Variants in CCDC33 observed in about 807,000 individuals in gnomAD.
CCDC33 encodes coiled-coil domain-containing protein 33.
A neutral mutation model predicts 91.9 loss-of-function variants in CCDC33; 94 were observed. The observed-to-expected ratio is 1.02, with a 90% CI of 0.87 to 1.21. The LOEUF (loss-of-function observed/expected upper bound fraction) is 1.21, where lower values mean the gene tolerates loss of function less well. Among genes scored for constraint, CCDC33 ranks in the 50% most tolerant of loss-of-function variants. The probability of loss-of-function intolerance (pLI) is 0.00; values close to 1 mark genes in which losing one functional copy is unlikely to be tolerated. For synonymous variants in CCDC33, 396 were observed against 374.5 expected (o/e 1.06, Z -0.66); for missense variants, 940 against 935.5 (o/e 1.00, Z -0.06).
At position 74,222,343 on chromosome 15, in the gene CCDC33, C is replaced by T. The variant is rs561915996; in HGVS notation, c.675+3482C>T. The stretch of plus-strand genomic sequence containing the variant: ...CTGGGAGCCATCCTGGGGGCTCCCT[C>T]GCTAGAAGGCCGGGAACTCCCTCCC... On this transcript the variant is annotated intron_variant, in intron 2 of 2. Transcript: ENST00000635913. Among the ~76,000 whole-genome samples, 123 of 152,244 alleles carry T rather than the reference C, an allele frequency of 8.1e-4. 1 individual carries two copies. Among genetic ancestry groups the T allele is most frequent in the Admixed American group, 1.5e-3 (23 of 15,304 alleles).
intron 2 of CCDC33, among the ~76,000 whole-genome samples, chr15:74,220,153 G>A (rs910574114): frequency 1.2e-4 from 19 of 152,256 alleles, no homozygotes; most frequent in South Asian, 8.3e-4. Flanking sequence ...GATCTGAGCT[G>A]TGGTTTAGGC....
intron 11 of CCDC33, chr15:74,300,453 G>C (rs915408567): frequency 6.6e-6 from 1 of 152,398 alleles, no homozygotes; most frequent in East Asian, 1.9e-4. Flanking sequence ...GCCGGCAGCA[G>C]GTCCCAGGGC....
chr15:74,254,721 T>C (rs1417134698), intron 2 of CCDC33, among the ~76,000 whole-genome samples: 1 of 147,232 alleles, frequency 6.8e-6, no homozygotes, highest in Non-Finnish European at 1.5e-5. Flanking sequence ...CCTTGGCCTC[T>C]CCTCTGCATC....
At chr15:74,239,249 G>A (rs1299456558) in intron 1 of CCDC33, among the ~76,000 whole-genome samples, 1 of 152,124 alleles carries the variant, frequency 6.6e-6, no homozygotes, top group African/African-American at 2.4e-5. Context: ...GGAGGAGTGG[G>A]TGGAAGAGTT....
chr15:74,298,764 G>A (rs1393874416), intron 11 of CCDC33, among the ~76,000 whole-genome samples: 1 of 139,154 alleles, frequency 7.2e-6, no homozygotes, highest in Non-Finnish European at 1.5e-5. Flanking sequence ...CCAGCCTGGA[G>A]TGCAGTGGTA....
intron 15 of CCDC33, 57 bp from the exon 16 acceptor site, chr15:74,332,622 C>A: frequency 1.9e-6 from 3 of 1,588,268 alleles, no homozygotes; most frequent in Non-Finnish European, 2.6e-6. Flanking sequence ...CAGATCAGGA[C>A]AGGGACATGG....
intron 1 of CCDC33, 73 bp downstream of exon 1, chr15:74,236,813 G>A (rs2075175037): frequency 2.7e-6 from 4 of 1,472,504 alleles, no homozygotes; most frequent in African/African-American, 1.4e-5. Flanking sequence ...TCAAAGTTTT[G>A]TTTGCTCCTT....
chr15:74,203,606 A>T (rs911382216), intron 1 of CCDC33, among the ~76,000 whole-genome samples: 2 of 152,232 alleles, frequency 1.3e-5, no homozygotes, highest in African/African-American at 4.8e-5. Flanking sequence ...TTAAGAAGAC[A>T]TTATTCATTT....
chr15:74,233,687 G>A (rs115481063), upstream of CCDC33, among the ~76,000 whole-genome samples: 278 of 152,262 alleles, frequency 1.8e-3, no homozygotes, highest in African/African-American at 6.6e-3. Context: ...AGGGAAAAGC[G>A]AGCATGCCTG....
intron 1 of CCDC33, chr15:74,203,115 G>T (rs2074161589): frequency 1.0e-6 from 1 of 985,500 alleles, no homozygotes; most frequent in Non-Finnish European, 1.2e-6. Flanking sequence ...CGGACCGCTG[G>T]GGCTGGGCTG....
intron 10 of CCDC33, among the ~76,000 whole-genome samples, chr15:74,284,537 A>G (rs188352285): frequency 6.6e-6 from 1 of 152,326 alleles, no homozygotes; most frequent in African/African-American, 2.4e-5. Context: ...AAGCACCCAC[A>G]TGAGCAATTG....
chr15:74,239,829 CGG>C (rs11354227), intron 1 of CCDC33, among the ~76,000 whole-genome samples: 1 of 152,094 alleles, frequency 6.6e-6, no homozygotes, highest in African/African-American at 2.4e-5. Context: ...CTGAGAGTTA[CGG>C]GGGGGGTACC....
chr15:74,295,698 A>G (rs1025512666), intron 10 of CCDC33, 56 bp from the exon 11 acceptor site: 1 of 1,448,994 alleles, frequency 6.9e-7, no homozygotes, highest in African/African-American at 1.4e-5. Flanking sequence ...TGCTTATGGT[A>G]GATGGGCACA....
chr15:74,209,514 G>A (rs1035992395), exon 2 of CCDC33: 1 of 1,389,182 alleles, frequency 7.2e-7, no homozygotes, highest in Non-Finnish European at 9.8e-7. Flanking sequence ...TCATCACAGG[G>A]CTTCAGGGCT....
chr15:74,228,562 T>C (rs756107017), intron 2 of CCDC33, among the ~76,000 whole-genome samples: 2 of 152,148 alleles, frequency 1.3e-5, no homozygotes, highest in African/African-American at 2.4e-5. Context: ...GAGCCAGTGA[T>C]TGTGGGAGCA....
intron 11 of CCDC33, among the ~76,000 whole-genome samples, chr15:74,310,339 C>A (rs1469909311): frequency 6.6e-6 from 1 of 151,904 alleles, no homozygotes; most frequent in Non-Finnish European, 1.5e-5. Flanking sequence ...GAGATTGAGA[C>A]CATCCTGAAC....
chr15:74,326,258 G>A (rs905621648), intron 11 of CCDC33, among the ~76,000 whole-genome samples: 5 of 152,204 alleles, frequency 3.3e-5, no homozygotes, highest in Admixed American at 1.3e-4. Flanking sequence ...CCAGAAGTTC[G>A]AGGTTGCAGT....
chr15:74,319,963 C>A (rs2060172660), intron 11 of CCDC33, among the ~76,000 whole-genome samples: 1 of 152,210 alleles, frequency 6.6e-6, no homozygotes, highest in African/African-American at 2.4e-5. Context: ...CCTTTTGTTT[C>A]TTTGCCATAA....
At chr15:74,301,901 C>G (rs913057031) in intron 11 of CCDC33, 19 of 141,802 alleles carry the variant, frequency 1.3e-4, no homozygotes, top group Admixed American at 4.4e-4. Flanking sequence ...CTCCTTCTCT[C>G]TCTCTCTGCC....
Sources: gnomAD v4.1 joint callset for allele counts (sites outside exome capture counted in the v4.1 genomes callset) on GRCh38, gnomAD v4.1.1 for gene constraint, MANE v1.5 for transcripts, NCBI Gene and HGNC (gene_info 2026-07-23, HGNC 2026-07-21) for gene names.